Variants in HSPA12A observed in about 807,000 individuals in gnomAD.
HSPA12A encodes heat shock protein family A (Hsp70) member 12A.
Under a neutral mutation model 69.2 loss-of-function variants are expected in HSPA12A, and 28 were observed. That is an observed-to-expected ratio of 0.40 (90% confidence interval 0.30 to 0.55). The LOEUF is 0.55. Among genes scored for constraint, HSPA12A ranks in the 20% least tolerant of loss-of-function variants. HSPA12A has a pLI of 0.38. For synonymous variants in HSPA12A, 345 were observed against 370.5 expected (o/e 0.93, Z 0.79); for missense variants, 686 against 900.7 (o/e 0.76, Z 3.05).
rs1457161561 is a variant in HSPA12A at position 116,686,384 on chromosome 10, G to T, written c.664-2422C>A. On this transcript the variant is annotated intron_variant, in intron 6 of 11. Transcript: ENST00000369209. This position sits in a 1 kb window ranked among gnomAD's most constrained non-coding sequence, Gnocchi z 4.1. The stretch of plus-strand genomic sequence containing the variant: ...CCAGGAGCATAGAAGGTCCAAGGGG[G>T]AAGCTTCCACAAAACGGGGTGAGGA... 6.6e-6 allele frequency among the ~76,000 whole-genome samples: 1 copy of T among 152,156 alleles called. No homozygotes were observed. The highest frequency in any genetic ancestry group is 1.5e-5 in the Non-Finnish European group (1 of 68,034).
chr10:116,784,004 C>T (rs1844520678), intron 2 of HSPA12A, among the ~76,000 whole-genome samples: 1 of 152,178 alleles, frequency 6.6e-6, no homozygotes, highest in Admixed American at 6.5e-5. Flanking sequence ...ATGCCCAGCC[C>T]ATTTATGGTT....
intron 1 of HSPA12A, among the ~76,000 whole-genome samples, chr10:116,728,446 T>C (rs1851047244): frequency 6.6e-6 from 1 of 152,216 alleles, no homozygotes; most frequent in Non-Finnish European, 1.5e-5. Flanking sequence ...AAGGGCACAA[T>C]ATCAGAAATT....
chr10:116,741,171 C>CA (rs1423437753), intron 1 of HSPA12A, among the ~76,000 whole-genome samples: 1 of 152,124 alleles, frequency 6.6e-6, no homozygotes, highest in African/African-American at 2.4e-5. Flanking sequence ...CTGCACTCCC[C>CA]CACCACTGCA....
intron 2 of HSPA12A, among the ~76,000 whole-genome samples, chr10:116,762,046 T>A (rs1368186141): frequency 6.6e-6 from 1 of 152,240 alleles, no homozygotes; most frequent in Non-Finnish European, 1.5e-5. Context: ...TTGCAGCTTA[T>A]ATACCAATAT....
intron 2 of HSPA12A, among the ~76,000 whole-genome samples, chr10:116,828,401 G>A (rs1845550730): frequency 6.6e-6 from 1 of 152,190 alleles, no homozygotes; most frequent in South Asian, 2.1e-4. Context: ...CCCTGGCAAA[G>A]CTGGCATTCA....
intron 1 of HSPA12A, among the ~76,000 whole-genome samples, chr10:116,722,419 C>T (rs1286418041): frequency 1.1e-4 from 17 of 152,204 alleles, no homozygotes; most frequent in African/African-American, 3.9e-4. Flanking sequence ...CCCTGCCTCT[C>T]GCTCTCTCTC....
At chr10:116,802,990 C>A (rs1288319043) in intron 2 of HSPA12A, among the ~76,000 whole-genome samples, 2 of 152,252 alleles carry the variant, frequency 1.3e-5, no homozygotes, top group Non-Finnish European at 2.9e-5. Context: ...AGGGCCCAAG[C>A]CAGCTGGCAA....
intron 1 of HSPA12A, among the ~76,000 whole-genome samples, chr10:116,845,149 C>A (rs187755773): frequency 2.5e-4 from 38 of 152,330 alleles, no homozygotes; most frequent in African/African-American, 9.1e-4. Flanking sequence ...ACTCCCCCAA[C>A]ACTGATGGCT....
intron 1 of HSPA12A, among the ~76,000 whole-genome samples, chr10:116,846,050 A>T (rs1421925709): frequency 6.6e-6 from 1 of 152,166 alleles, no homozygotes; most frequent in Non-Finnish European, 1.5e-5. Flanking sequence ...GAAGAGAAGG[A>T]ATTTATTTTA....
intron 2 of HSPA12A, among the ~76,000 whole-genome samples, chr10:116,807,133 C>A (rs1360713538): frequency 1.3e-5 from 2 of 151,894 alleles, no homozygotes; most frequent in Non-Finnish European, 2.9e-5. Flanking sequence ...GAAGAGAGTA[C>A]ATTTCTACCC....
In HSPA12A at chr10:116,679,825, T is replaced by G; in HGVS notation, c.1028-64A>C. 3 of 1,560,872 alleles carry G rather than the reference T, an allele frequency of 1.9e-6. No individual in the cohort carries two copies. In the South Asian group the frequency reaches 3.6e-5, roughly 19 times the overall value. ...ACCATTAGAAACCCAATCCAGACTCTGAGAAACAGGCCCACCTGTTCATCT... is the reference window on the plus strand; with the variant it reads ...ACCATTAGAAACCCAATCCAGACTCGGAGAAACAGGCCCACCTGTTCATCT... On this transcript the variant is annotated intron_variant, in intron 9 of 11. Coordinates refer to ENST00000369209, the MANE Select transcript of HSPA12A (RefSeq NM_025015.3).
chr10:116,679,417 C>T, intron 10 of HSPA12A, 86 bp downstream of exon 10: 1 of 1,528,588 alleles, frequency 6.5e-7, no homozygotes, highest in Non-Finnish European at 8.9e-7. Context: ...GGATTGGAAC[C>T]CGAAGTCCAC....
chr10:116,760,597 A>T (rs1170640882), intron 2 of HSPA12A, among the ~76,000 whole-genome samples: 2 of 152,228 alleles, frequency 1.3e-5, no homozygotes, highest in African/African-American at 4.8e-5. Context: ...ATAAGCCACA[A>T]GTCCCCATGT....
chr10:116,690,398 A>G (rs1276032250), intron 6 of HSPA12A, among the ~76,000 whole-genome samples: 2 of 152,248 alleles, frequency 1.3e-5, no homozygotes, highest in African/African-American at 4.8e-5. Context: ...GAATAAATAA[A>G]TGCATGAACA....
At position 116,683,973 on chromosome 10, in the gene HSPA12A, G is replaced by A. The variant is rs901498390; in HGVS notation, c.664-11C>T. 10 of 1,555,022 alleles carry A rather than the reference G, an allele frequency of 6.4e-6. No individual in the cohort carries two copies. The highest frequency in any genetic ancestry group is 2.3e-5 in the South Asian group (2 of 86,846). ...GGAGGCCAGGCCTGCCTGGAAGACAGAAACAGAGGCTGGGACCCAGGGCCC... is the reference window on the plus strand; with the variant it reads ...GGAGGCCAGGCCTGCCTGGAAGACAAAAACAGAGGCTGGGACCCAGGGCCC... On this transcript the variant is annotated splice_polypyrimidine_tract_variant and intron_variant, in intron 6 of 11. Transcript: ENST00000369209.
Position 116,837,329 on chromosome 10 carries a change from C to T in HSPA12A, c.4-2307G>A, listed in dbSNP as rs376245224. On this transcript the variant is annotated intron_variant, in intron 1 of 12. Coordinates refer to the HSPA12A transcript ENST00000635765. ...TTCAGTTGGTGGGAAGGGCCACTTA[C>T]GACACGCCATGCTGCCCGCTACCAA... is the stretch of plus-strand genomic sequence containing the variant. Among the ~76,000 whole-genome samples, 54 of 152,298 alleles carry T rather than the reference C, an allele frequency of 3.5e-4. No homozygotes were observed. In the East Asian group the frequency reaches 9.6e-3, roughly 27 times the overall value.
At chr10:116,681,708 G>C in intron 8 of HSPA12A, 83 bp downstream of exon 8, 2 of 1,276,986 alleles carry the variant, frequency 1.6e-6, no homozygotes, top group South Asian at 2.5e-5. Flanking sequence ...TTTTCCAAAA[G>C]TGCAAAAGGG....
At chr10:116,681,927 G>C in intron 7 of HSPA12A, 50 bp from the exon 8 acceptor site, 2 of 1,560,496 alleles carry the variant, frequency 1.3e-6, no homozygotes, top group East Asian at 2.2e-5. Context: ...GCATGAAAAA[G>C]CAGAGATCAT....
intron 1 of HSPA12A, among the ~76,000 whole-genome samples, chr10:116,724,473 G>A (rs1850884260): frequency 6.6e-6 from 1 of 152,068 alleles, no homozygotes; most frequent in Non-Finnish European, 1.5e-5. Context: ...TTCTAAAAGA[G>A]AAGACCCCCT....
Sources: allele counts gnomAD v4.1 joint callset (sites outside exome capture counted in the v4.1 genomes callset), GRCh38; gene constraint gnomAD v4.1.1; non-coding constraint Gnocchi (gnomAD v3.1); transcripts MANE v1.5; gene names NCBI Gene and HGNC (gene_info 2026-07-23, HGNC 2026-07-21).